The following CYB5RL variants were observed in gnomAD, a reference collection of about 807,000 sequenced individuals.
The protein encoded by CYB5RL is NADH-cytochrome b5 reductase-like.
CYB5RL carries 38 observed loss-of-function variants against 37.5 expected under a neutral mutation model. That is an observed-to-expected ratio of 1.01 (90% CI 0.78 to 1.33). The LOEUF is 1.33. Among genes scored for constraint, CYB5RL ranks in the 40% most tolerant of loss-of-function variants. CYB5RL has a pLI of 0.00. For synonymous variants in CYB5RL, 141 were observed against 151.9 expected, an observed-to-expected ratio of 0.93 and a Z score of 0.53; for missense variants, 388 against 394.4, an observed-to-expected ratio of 0.98 and a Z score of 0.14.
chr1:54,181,354 C>T (rs568707112), intron 6 of CYB5RL, among the ~76,000 whole-genome samples: 3 of 152,354 alleles, frequency 2.0e-5, no homozygotes, highest in African/African-American at 7.2e-5. Context: ...TTCTGGAGAA[C>T]AGGGGACTCA....
At chr1:54,182,168 G>A (rs1036997878) in intron 6 of CYB5RL, among the ~76,000 whole-genome samples, 17 of 152,216 alleles carry the variant, frequency 1.1e-4, no homozygotes, top group African/African-American at 3.9e-4. Context: ...GCTAAGCATG[G>A]TTAGTACTAG....
chr1:54,171,664 C>G lies in CYB5RL; in HGVS notation c.*2955G>C, dbSNP rs1364848138. ...CACCTGGTTGACCTCTTGATGCCTG[C>G]GTATCATGTCTAGCTCCTAAGTCTC... On this transcript the variant is annotated 3_prime_UTR_variant, in exon 8 of 8. Coordinates refer to ENST00000534324, the MANE Select transcript of CYB5RL (RefSeq NM_001031672.4). 2.9e-6 allele frequency: 1 copy of G among 348,952 alleles called. No individual in the cohort carries two copies. Among genetic ancestry groups the G allele is most frequent in the Non-Finnish European group, 5.7e-6 (1 of 176,308 alleles). 21.6% of individuals were successfully genotyped at this position (348,952 alleles called of 1,614,324 possible). A position where few individuals can be genotyped will look rare whatever the true frequency, so the allele number is the denominator to read the frequency against.
chr1:54,184,087 G>T, intron 6 of CYB5RL, 74 bp downstream of exon 6: 1 of 1,335,072 alleles, frequency 7.5e-7, no homozygotes, highest in Non-Finnish European at 1.1e-6. Flanking sequence ...ATGGCACAGT[G>T]AGATGCTATG....
chr1:54,190,557 T>C, intron 4 of CYB5RL, 191 bp downstream of exon 4: 1 of 687,212 alleles, frequency 1.5e-6, no homozygotes, highest in Non-Finnish European at 2.4e-6. Flanking sequence ...AAAGTGATTG[T>C]GTTATTATTT....
In CYB5RL at chr1:54,174,426, C is replaced by A; in HGVS notation, c.*193G>T. 4.7e-6 allele frequency: 3 copies of A among 639,766 alleles called. No individual in the cohort carries two copies. Among genetic ancestry groups the A allele is most frequent in the Non-Finnish European group, 8.1e-6 (3 of 372,204 alleles). 39.6% of individuals were successfully genotyped at this position (639,766 alleles called of 1,614,324 possible). A position where few individuals can be genotyped will look rare whatever the true frequency, so the allele number is the denominator to read the frequency against. ...CATCCTCCTTCTACATAGTAGGAGGCCAGGAGGAGTGATTAACCTCATGGG... is the reference window on the plus strand; with the variant it reads ...CATCCTCCTTCTACATAGTAGGAGGACAGGAGGAGTGATTAACCTCATGGG... On this transcript the variant is annotated 3_prime_UTR_variant, in exon 8 of 8. Transcript: ENST00000534324.
chr1:54,171,031 T>C lies in CYB5RL; in HGVS notation c.*3588A>G. On this transcript the variant is annotated 3_prime_UTR_variant, in exon 8 of 8. Transcript: ENST00000534324. ...TAGGGGTACAATGGGCCGGCCCTCA[T>C]GCTCACATGCAGATGACACTTATGG... 1 of 418,386 alleles carries C rather than the reference T, an allele frequency of 2.4e-6. No individual in the cohort carries two copies. Among genetic ancestry groups the C allele is most frequent in the Non-Finnish European group, 4.9e-6 (1 of 204,998 alleles). 25.9% of individuals were successfully genotyped at this position (418,386 alleles called of 1,614,324 possible).
chr1:54,195,545 C>T lies in CYB5RL; in HGVS notation c.72G>A (p.Leu24=). The change falls in exon 3 of 8, where the codon TTG becomes TTA. Residue 24 remains leucine, a synonymous_variant. Transcript: ENST00000534324. The part of the protein sequence containing the change: ...AWMQLRPTEP[L]PSQCCGSGCS... ...AGCCACTGCCGCAGCACTGGGAAGG[C>T]AAGGGTTCTGTGGGCCGTAGCTGCA... is the stretch of plus-strand genomic sequence containing the variant. The T allele has an allele frequency of 1.9e-6, 3 of 1,613,756 alleles. No individual in the cohort carries two copies. Among genetic ancestry groups the T allele is most frequent in the Middle Eastern group, 1.6e-4 (1 of 6,062 alleles).
rs1162523656 is a variant in CYB5RL at position 54,171,229 on chromosome 1, A to G, written c.*3390T>C. ...GGGAGGCTGGCCAGGCAGAGGAAGC[A>G]GCGAGTGTAAGGGATGAGCTGACGC... is the stretch of plus-strand genomic sequence containing the variant. On this transcript the variant is annotated 3_prime_UTR_variant, in exon 8 of 8. Transcript: ENST00000534324. 1 of 456,038 alleles carries G rather than the reference A, an allele frequency of 2.2e-6. No homozygotes were observed. The highest frequency in any genetic ancestry group is 2.0e-5 in the African/African-American group (1 of 50,034). 28.2% of individuals were successfully genotyped at this position (456,038 alleles called of 1,614,324 possible). A position where few individuals can be genotyped will look rare whatever the true frequency, so the allele number is the denominator to read the frequency against.
Position 54,172,744 on chromosome 1 carries a change from A to C in CYB5RL, c.*1875T>G, listed in dbSNP as rs1409181572. 6.6e-6 allele frequency: 1 copy of C among 152,224 alleles called. No homozygotes were observed. The highest frequency in any genetic ancestry group is 1.5e-5 in the Non-Finnish European group (1 of 68,092). The allele number at this position is 152,224 out of a possible 1,614,324, so 9.4% of individuals were successfully genotyped here. A position where few individuals can be genotyped will look rare whatever the true frequency, so the allele number is the denominator to read the frequency against. On this transcript the variant is annotated 3_prime_UTR_variant, in exon 8 of 8. Transcript: ENST00000534324. ...GTGTCTGAACAGAGTCAGGCTCCTG[A>C]CAGGCCCCCGCTATTTGGAGCTGAG...
rs1344901531 is a variant in CYB5RL, at chr1:54,179,138, C to T, written c.744+11G>A. ...CTCAATCAAAAAAGAAAGTCACCACCCTGGGCTCACCTGGCTGAGTACAAA... is the reference window on the plus strand; with the variant it reads ...CTCAATCAAAAAAGAAAGTCACCACTCTGGGCTCACCTGGCTGAGTACAAA... On this transcript the variant is annotated intron_variant, in intron 7 of 7. Transcript: ENST00000534324. The T allele has an allele frequency of 1.2e-6, 2 of 1,609,866 alleles. No individual in the cohort carries two copies. Among genetic ancestry groups the T allele is most frequent in the Non-Finnish European group, 1.7e-6 (2 of 1,178,366 alleles).
At chr1:54,192,008 T>C (rs1276772513) in intron 3 of CYB5RL, among the ~76,000 whole-genome samples, 3 of 152,228 alleles carry the variant, frequency 2.0e-5, no homozygotes, top group South Asian at 4.1e-4. Flanking sequence ...TTTATAGGGT[T>C]ACCATGAGGG....
intron 6 of CYB5RL, 119 bp downstream of exon 6, chr1:54,184,042 G>T: frequency 1.4e-6 from 1 of 715,628 alleles, no homozygotes; most frequent in Non-Finnish European, 2.3e-6. Flanking sequence ...CCAACCCCAA[G>T]GATACACCTG....
intron 7 of CYB5RL, among the ~76,000 whole-genome samples, chr1:54,175,238 T>C (rs890244165): frequency 2.0e-5 from 3 of 152,210 alleles, no homozygotes; most frequent in Non-Finnish European, 4.4e-5. Flanking sequence ...CTCATTTCTT[T>C]TAAGGTTTCA....
Position 54,179,334 on chromosome 1 carries a change from G to A in CYB5RL, c.559C>T (p.Leu187=), listed in dbSNP as rs955437011. 6.8e-6 allele frequency: 11 copies of A among 1,612,998 alleles called. No individual in the cohort carries two copies. Among genetic ancestry groups the A allele is most frequent in the Non-Finnish European group, 9.3e-6 (11 of 1,179,734 alleles). ...GGGGCCAGGCCCGTGCCCGCAGCCA[G>A]CAAGAGGAGCTCACCATACTGGGGA... ...KPNQYGELLL[L]AAGTGLAPMV... Residue 187 remains leucine, a synonymous_variant, in exon 7 of 8, where the codon CTG becomes TTG. Transcript: ENST00000534324.
intron 7 of CYB5RL, among the ~76,000 whole-genome samples, chr1:54,176,105 T>C (rs2100456598): frequency 6.6e-6 from 1 of 152,254 alleles, no homozygotes; most frequent in South Asian, 2.1e-4. Flanking sequence ...TCCTGCTGAG[T>C]GACTGTGACC....
rs776102910 is a variant in CYB5RL at position 54,187,737 on chromosome 1, C to T, written c.350G>A (p.Gly117Glu). The change falls in exon 5 of 8, where the codon GGG (glycine) becomes GAG (glutamate). Residue 117 changes from glycine to glutamate, a missense_variant and splice_region_variant. Coordinates refer to ENST00000534324, the MANE Select transcript of CYB5RL (RefSeq NM_001031672.4). ...LRPGQHLILR[G>E]IVDDLEIQRA... Reference sequence around the variant, plus strand: ...CTGAATTTCTAAGTCATCTACTATCCCTCTGAGAAACAGAAGTGTGCAGTC... The same window carrying T: ...CTGAATTTCTAAGTCATCTACTATCTCTCTGAGAAACAGAAGTGTGCAGTC... 10 of 1,613,744 alleles carry T rather than the reference C, an allele frequency of 6.2e-6. No homozygotes were observed. In the South Asian group the frequency reaches 8.8e-5, roughly 14 times the overall value.
At chr1:54,183,671 T>C (rs1398857929) in intron 6 of CYB5RL, among the ~76,000 whole-genome samples, 1 of 152,098 alleles carries the variant, frequency 6.6e-6, no homozygotes, top group East Asian at 1.9e-4. Flanking sequence ...GGGCAGGCAG[T>C]TTCATTTATA....
chr1:54,197,497 T>C (rs1164794049), intron 1 of CYB5RL, among the ~76,000 whole-genome samples: 1 of 152,014 alleles, frequency 6.6e-6, no homozygotes, highest in Admixed American at 6.6e-5. Context: ...CTAGGTTTTA[T>C]ATTTTGAGTA....
chr1:54,194,187 A>G (rs1291374796), intron 3 of CYB5RL, among the ~76,000 whole-genome samples: 1 of 151,706 alleles, frequency 6.6e-6, no homozygotes, highest in Non-Finnish European at 1.5e-5. Flanking sequence ...CCTGGCCAAC[A>G]TGGTGAAACC....
Sources: gnomAD v4.1 joint callset for allele counts (sites outside exome capture counted in the v4.1 genomes callset) on GRCh38, gnomAD v4.1.1 for gene constraint, MANE v1.5 for transcripts, NCBI Gene and HGNC (gene_info 2026-07-23, HGNC 2026-07-21) for gene names.